Variants in RAD51B observed in about 807,000 individuals in gnomAD.
RAD51B encodes DNA repair protein RAD51 homolog 2.
In RAD51B, 38 loss-of-function variants were observed where a neutral mutation model predicts 42.2. The observed-to-expected ratio is 0.90, with a 90% CI of 0.70 to 1.18. RAD51B has a LOEUF of 1.18. Ranked by LOEUF, RAD51B falls within the 50% of genes most tolerant of loss-of-function variation. The probability of loss-of-function intolerance (pLI) is 0.00; values close to 1 mark genes in which losing one functional copy is unlikely to be tolerated. For synonymous variants in RAD51B, 154 were observed against 145.2 expected (o/e 1.06, Z -0.43); for missense variants, 373 against 400.7 (o/e 0.93, Z 0.59).
chr14:68,481,995 C>T, downstream of RAD51B, among the ~76,000 whole-genome samples: 1 of 152,076 alleles, frequency 6.6e-6, no homozygotes, highest in East Asian at 1.9e-4. Context: ...GGAAAGTTGC[C>T]CCAGGAAATG....
At chr14:68,658,725 C>T (rs1361725684) in intron 11 of RAD51B, among the ~76,000 whole-genome samples, 5 of 152,342 alleles carry the variant, frequency 3.3e-5, no homozygotes, top group East Asian at 1.9e-4. Context: ...TCATCATCCT[C>T]GTCCTCCTGA....
At chr14:68,478,177 G>C (rs995167041), downstream of RAD51B, 1 of 1,017,194 alleles carries the variant, frequency 9.8e-7, no homozygotes, top group African/African-American at 1.7e-5. Context: ...TGGGAGGCTG[G>C]GGGCGGGCAT....
At chr14:67,931,796 C>A (rs2044748596) in intron 7 of RAD51B, among the ~76,000 whole-genome samples, 1 of 152,094 alleles carries the variant, frequency 6.6e-6, no homozygotes, top group African/African-American at 2.4e-5. Flanking sequence ...AATCACAGTG[C>A]CCGGCCCAGC....
intron 7 of RAD51B, among the ~76,000 whole-genome samples, chr14:68,196,946 A>G (rs2079385290): frequency 6.6e-6 from 1 of 152,232 alleles, no homozygotes; most frequent in Non-Finnish European, 1.5e-5. Context: ...GTTAATAAAC[A>G]TCTTAGAAAG....
chr14:68,680,282 C>T (rs553335043), intron 11 of RAD51B, among the ~76,000 whole-genome samples: 26 of 152,242 alleles, frequency 1.7e-4, no homozygotes, highest in African/African-American at 6.3e-4. Flanking sequence ...CAATTTCAAG[C>T]TACCAATGTG....
At chr14:68,000,719 C>A (rs1339175949) in intron 7 of RAD51B, among the ~76,000 whole-genome samples, 1 of 152,110 alleles carries the variant, frequency 6.6e-6, no homozygotes, top group Non-Finnish European at 1.5e-5. Flanking sequence ...AAAAAATAAG[C>A]CTCATGGAGA....
chr14:67,964,630 T>C (rs568474232), intron 7 of RAD51B, among the ~76,000 whole-genome samples: 1 of 152,338 alleles, frequency 6.6e-6, no homozygotes, highest in South Asian at 2.1e-4. Context: ...TTCTTTTTTT[T>C]TCCCCCATAT....
At chr14:68,080,151 C>T (rs1168276966) in intron 7 of RAD51B, among the ~76,000 whole-genome samples, 1 of 152,090 alleles carries the variant, frequency 6.6e-6, no homozygotes, top group African/African-American at 2.4e-5. Context: ...CATGCTGTTC[C>T]CTTTTCTGCT....
At chr14:68,328,314 C>A (rs947242062) in intron 8 of RAD51B, among the ~76,000 whole-genome samples, 3 of 152,180 alleles carry the variant, frequency 2.0e-5, no homozygotes, top group Non-Finnish European at 2.9e-5. Context: ...TCCACCCCTC[C>A]TTTCATTTCA....
At chr14:68,131,412 T>C (rs936006129) in intron 7 of RAD51B, among the ~76,000 whole-genome samples, 9 of 152,170 alleles carry the variant, frequency 5.9e-5, no homozygotes, top group South Asian at 2.1e-4. Context: ...GATGGACATA[T>C]TCGCTGGGTG....
chr14:68,336,038 C>T (rs1332013680), intron 8 of RAD51B, among the ~76,000 whole-genome samples: 1 of 152,170 alleles, frequency 6.6e-6, no homozygotes, highest in East Asian at 1.9e-4. Context: ...GTTACTTAAC[C>T]TGTCTGTGCC....
chr14:68,431,179 C>T (rs1009714174), intron 9 of RAD51B, among the ~76,000 whole-genome samples: 51 of 152,140 alleles, frequency 3.4e-4, no homozygotes, highest in Admixed American at 1.4e-3. Context: ...ATTTTTGCAT[C>T]GATGTTCATC....
At position 68,211,403 on chromosome 14, in the gene RAD51B, T is replaced by C. The variant is rs574140825; in HGVS notation, c.757-80481T>C. Among the ~76,000 whole-genome samples, 56 of 152,312 alleles carry C rather than the reference T, an allele frequency of 3.7e-4. 1 individual carries two copies. The highest frequency in any genetic ancestry group is 1.6e-3 in the Admixed American group (24 of 15,296). ...AATGAAAAGAACATCTCAGGTCCTGTTTTTGTACCACCTTCACTATTGTAG... is the reference window on the plus strand; with the variant it reads ...AATGAAAAGAACATCTCAGGTCCTGCTTTTGTACCACCTTCACTATTGTAG... On this transcript the variant is annotated intron_variant, in intron 7 of 10. Coordinates refer to ENST00000471583, the MANE Select transcript of RAD51B (RefSeq NM_133510.4).
At chr14:68,571,468 C>T (rs1317284791) in intron 10 of RAD51B, among the ~76,000 whole-genome samples, 2 of 152,178 alleles carry the variant, frequency 1.3e-5, no homozygotes, top group Non-Finnish European at 2.9e-5. Flanking sequence ...TGACTCATGG[C>T]CCCCTTTCTC....
intron 7 of RAD51B, among the ~76,000 whole-genome samples, chr14:68,151,146 A>G (rs1261209292): frequency 6.6e-6 from 1 of 151,490 alleles, no homozygotes; most frequent in Non-Finnish European, 1.5e-5. Context: ...TCTTTATTTT[A>G]CCTTTGTTTT....
intron 8 of RAD51B, among the ~76,000 whole-genome samples, chr14:68,401,096 G>A (rs996128407): frequency 6.6e-6 from 1 of 152,036 alleles, no homozygotes; most frequent in African/African-American, 2.4e-5. Context: ...CTTGATGATC[G>A]ACACTGCAGA....
chr14:68,675,360 T>G (rs996377367), intron 11 of RAD51B, among the ~76,000 whole-genome samples: 1 of 152,134 alleles, frequency 6.6e-6, no homozygotes, highest in Non-Finnish European at 1.5e-5. Context: ...GGTTTAGGAA[T>G]GACAGAGGGA....
chr14:68,135,921 A>G (rs2077999867), intron 7 of RAD51B, among the ~76,000 whole-genome samples: 1 of 152,242 alleles, frequency 6.6e-6, no homozygotes, highest in African/African-American at 2.4e-5. Flanking sequence ...TATTCTATAA[A>G]AAGAGACTCA....
chr14:68,230,367 G>C (rs1211815984), intron 7 of RAD51B, among the ~76,000 whole-genome samples: 6 of 152,228 alleles, frequency 3.9e-5, no homozygotes, highest in South Asian at 4.2e-4. Flanking sequence ...TCACGTCAAG[G>C]CACCACCACT....
Sources: allele counts gnomAD v4.1 joint callset (sites outside exome capture counted in the v4.1 genomes callset), GRCh38; gene constraint gnomAD v4.1.1; transcripts MANE v1.5; gene names NCBI Gene and HGNC (gene_info 2026-07-23, HGNC 2026-07-21).